VDAC1: variants seen among roughly 807,000 people sequenced by gnomAD.
VDAC1 encodes the protein voltage dependent anion channel 1, also known as non-selective voltage-gated ion channel VDAC1.
In VDAC1, 10 loss-of-function variants were observed where a neutral mutation model predicts 34.7. The ratio of observed to expected loss-of-function variants is 0.29; its 90% confidence interval spans 0.18 to 0.49. The LOEUF (loss-of-function observed/expected upper bound fraction) is 0.49. Among genes scored for constraint, VDAC1 ranks in the 20% least tolerant of loss-of-function variants. The pLI, the probability that VDAC1 is intolerant of heterozygous loss-of-function variation, is 0.99. For synonymous variants in VDAC1, 130 were observed against 136.0 expected (o/e 0.96, Z 0.30); for missense variants, 230 against 347.9 (o/e 0.66, Z 2.69).
At chr5:134,099,060 G>T in the VDAC1 span, among the ~76,000 whole-genome samples, 2 of 152,166 alleles carry the variant, frequency 1.3e-5, no homozygotes, top group African/African-American at 2.4e-5. Context: ...GAGGAGAAAC[G>T]GAGACTCATA....
chr5:134,021,549 C>A, the VDAC1 span, among the ~76,000 whole-genome samples: 3 of 126,506 alleles, frequency 2.4e-5, no homozygotes, highest in South Asian at 2.7e-4. Flanking sequence ...AGTATTGAGA[C>A]CTTGTCTTAA....
the VDAC1 span, among the ~76,000 whole-genome samples, chr5:134,014,170 T>C: frequency 2.0e-5 from 3 of 150,986 alleles, no homozygotes; most frequent in Non-Finnish European, 4.4e-5. Context: ...GCGCTTGTAA[T>C]CCCAGCTACT....
At chr5:133,994,942 C>G (rs1753240553) in intron 1 of VDAC1, among the ~76,000 whole-genome samples, 2 of 152,124 alleles carry the variant, frequency 1.3e-5, no homozygotes, top group Admixed American at 1.3e-4. Flanking sequence ...ACGACTCTCC[C>G]CTGACCCCAC....
At chr5:134,088,926 C>A in the VDAC1 span, among the ~76,000 whole-genome samples, 1 of 152,234 alleles carries the variant, frequency 6.6e-6, no homozygotes, top group Non-Finnish European at 1.5e-5. Context: ...AGCTTTTGCA[C>A]CACATATTAT....
At chr5:133,996,248 G>A (rs539864419) in intron 1 of VDAC1, among the ~76,000 whole-genome samples, 4 of 152,310 alleles carry the variant, frequency 2.6e-5, no homozygotes, top group African/African-American at 9.6e-5. Context: ...AGACCTGCCT[G>A]CAGTCACTGA....
the VDAC1 span, among the ~76,000 whole-genome samples, chr5:134,046,982 C>T: frequency 1.9e-3 from 296 of 152,280 alleles, 4 homozygotes; most frequent in East Asian, 0.047. Flanking sequence ...ATGTTTTTGC[C>T]ACCCTGCCCA....
chr5:134,037,680 C>T, the VDAC1 span, among the ~76,000 whole-genome samples: 13 of 152,178 alleles, frequency 8.5e-5, no homozygotes, highest in African/African-American at 3.1e-4. Flanking sequence ...TGTGACTTCT[C>T]CTTTCCTGAA....
chr5:134,082,579 ATATC>A, the VDAC1 span, among the ~76,000 whole-genome samples: 1 of 152,212 alleles, frequency 6.6e-6, no homozygotes. Context: ...CATTGGGTGA[ATATC>A]TAGGAGTAGA....
the VDAC1 span, among the ~76,000 whole-genome samples, chr5:134,030,654 A>G: frequency 2.0e-5 from 3 of 148,912 alleles, no homozygotes; most frequent in African/African-American, 7.5e-5. Flanking sequence ...TGGAAGCTGG[A>G]GTCCAGTGGT....
the VDAC1 span, among the ~76,000 whole-genome samples, chr5:134,080,520 C>T: frequency 2.6e-3 from 393 of 152,240 alleles, 2 homozygotes; most frequent in African/African-American, 8.3e-3. Flanking sequence ...GGTTAAGTCA[C>T]GGAGGTACAG....
chr5:133,982,632 A>G (rs1231149404), intron 5 of VDAC1, among the ~76,000 whole-genome samples: 2 of 152,170 alleles, frequency 1.3e-5, no homozygotes, highest in Non-Finnish European at 1.5e-5. Flanking sequence ...GCTTACGCCT[A>G]TAATCCCAAC....
At chr5:133,980,647 A>C (rs1561584153) in intron 6 of VDAC1, 82 bp downstream of exon 6, 17 of 1,029,306 alleles carry the variant, frequency 1.7e-5, no homozygotes, top group Non-Finnish European at 2.0e-5. Context: ...AAAAAAAAAA[A>C]AAAAAACAGT....
the VDAC1 span, among the ~76,000 whole-genome samples, chr5:134,048,786 A>G: frequency 6.6e-6 from 1 of 151,704 alleles, no homozygotes; most frequent in Admixed American, 6.6e-5. Context: ...TTTTTTAAAC[A>G]TATCTGTGCT....
the VDAC1 span, among the ~76,000 whole-genome samples, chr5:134,055,588 G>GTTTTTT: frequency 5.7e-4 from 34 of 59,608 alleles, 5 homozygotes; most frequent in East Asian, 2.9e-3. Flanking sequence ...CCCCGCTAAT[G>GTTTTTT]TTTTTTTTTT....
the VDAC1 span, chr5:134,081,948 CT>C: frequency 1.2e-4 from 19 of 160,006 alleles, no homozygotes; most frequent in East Asian, 3.7e-4. Flanking sequence ...GCATCAAGTC[CT>C]TTTTTTTAGC....
the VDAC1 span, among the ~76,000 whole-genome samples, chr5:134,039,380 G>A: frequency 5.3e-5 from 8 of 152,286 alleles, no homozygotes; most frequent in Admixed American, 2.0e-4. Flanking sequence ...CCAGGCTGGA[G>A]TGCAGTGGCG....
At chr5:134,058,177 C>T in the VDAC1 span, among the ~76,000 whole-genome samples, 1 of 152,206 alleles carries the variant, frequency 6.6e-6, no homozygotes, top group Non-Finnish European at 1.5e-5. Context: ...TGTGAGCCAC[C>T]ACGCCCAGTT....
chr5:134,101,252 G>A, the VDAC1 span, among the ~76,000 whole-genome samples: 2 of 152,134 alleles, frequency 1.3e-5, no homozygotes, highest in East Asian at 1.9e-4. Flanking sequence ...TCCTTTCTCC[G>A]AGCCCCTAAT....
chr5:134,113,340 C>T, the VDAC1 span, among the ~76,000 whole-genome samples: 1 of 152,148 alleles, frequency 6.6e-6, no homozygotes, highest in East Asian at 1.9e-4. Flanking sequence ...GGCTGGTGTC[C>T]GAGACACCCG....
Sources: gnomAD v4.1 joint callset for allele counts (sites outside exome capture counted in the v4.1 genomes callset) on GRCh38, gnomAD v4.1.1 for gene constraint, MANE v1.5 for transcripts, NCBI Gene and HGNC (gene_info 2026-07-23, HGNC 2026-07-21) for gene names.